Variants in GLRA3 observed in about 807,000 individuals in gnomAD.
GLRA3 encodes the protein glycine receptor subunit alpha-3.
Under a neutral mutation model 60.4 loss-of-function variants are expected in GLRA3, and 44 were observed. That is an observed-to-expected ratio of 0.73 (90% CI 0.57 to 0.94). The LOEUF is 0.94. GLRA3 is among the 40% of genes least tolerant of loss of function. The pLI is 0.00. For missense variants in GLRA3, 508 were observed against 564.6 expected (o/e 0.90, Z 1.02); for synonymous variants, 223 against 192.9 (o/e 1.16, Z -1.29).
At chr4:174,669,435 C>T (rs145171588) in intron 7 of GLRA3, among the ~76,000 whole-genome samples, 85 of 152,100 alleles carry the variant, frequency 5.6e-4, no homozygotes, top group East Asian at 2.1e-3. Context: ...TTGTGAGTTT[C>T]GACATTCTGA....
intron 1 of GLRA3, among the ~76,000 whole-genome samples, chr4:174,790,249 G>A (rs114460463): frequency 6.6e-6 from 1 of 152,030 alleles, no homozygotes; most frequent in African/African-American, 2.4e-5. Flanking sequence ...GAATGGAAGC[G>A]TTTTTTCTCC....
At chr4:174,700,132 A>C (rs1357691786) in intron 5 of GLRA3, among the ~76,000 whole-genome samples, 1 of 152,204 alleles carries the variant, frequency 6.6e-6, no homozygotes, top group African/African-American at 2.4e-5. Flanking sequence ...GTAGAAGATG[A>C]AGTTTTAATC....
chr4:174,798,740 C>T lies in GLRA3; in HGVS notation c.72-9797G>A, dbSNP rs188579200. 4.3e-3 allele frequency among the ~76,000 whole-genome samples: 656 copies of T among 152,136 alleles called. 3 individuals are homozygous for T. Among genetic ancestry groups the T allele is most frequent in the African/African-American group, 0.014 (582 of 41,512 alleles). ...TAGACGGAGACCATCCTGGCTAACA[C>T]GGTGAAACCCCGTCTCTACTAAAAA... On this transcript the variant is annotated intron_variant, in intron 1 of 9. Transcript: ENST00000274093.
At chr4:174,756,829 A>G (rs1737725143) in intron 3 of GLRA3, among the ~76,000 whole-genome samples, 2 of 151,924 alleles carry the variant, frequency 1.3e-5, no homozygotes, top group South Asian at 4.1e-4. Flanking sequence ...TATTTTTTTT[A>G]GTAGAGACGG....
chr4:174,651,253 G>A (rs1733011623), intron 9 of GLRA3, among the ~76,000 whole-genome samples: 4 of 152,236 alleles, frequency 2.6e-5, no homozygotes, highest in Admixed American at 1.3e-4. Context: ...AGGCTTAAAC[G>A]GATATTGGAA....
intron 4 of GLRA3, among the ~76,000 whole-genome samples, chr4:174,716,922 C>T (rs1214561959): frequency 6.6e-6 from 1 of 151,984 alleles, no homozygotes; most frequent in African/African-American, 2.4e-5. Flanking sequence ...ACTATTTAGC[C>T]AGGCGTGGTG....
chr4:174,796,264 T>C (rs942411482), intron 1 of GLRA3, among the ~76,000 whole-genome samples: 3 of 152,158 alleles, frequency 2.0e-5, no homozygotes, highest in African/African-American at 7.2e-5. Context: ...GACAATTTGC[T>C]GGTGCTCTGA....
intron 5 of GLRA3, among the ~76,000 whole-genome samples, chr4:174,687,972 T>A (rs1734613409): frequency 6.6e-6 from 1 of 151,908 alleles, no homozygotes; most frequent in Non-Finnish European, 1.5e-5. Context: ...AGACTAAAAG[T>A]TTTTTGCCTT....
At chr4:174,687,850 A>G (rs1413145912) in intron 5 of GLRA3, among the ~76,000 whole-genome samples, 1 of 152,194 alleles carries the variant, frequency 6.6e-6, no homozygotes, top group East Asian at 1.9e-4. Context: ...TTTAAAAAGC[A>G]TACATGAAAG....
chr4:174,753,773 G>C (rs1737575803), intron 3 of GLRA3, among the ~76,000 whole-genome samples: 1 of 152,070 alleles, frequency 6.6e-6, no homozygotes, highest in African/African-American at 2.4e-5. Context: ...AGTTGAATTT[G>C]ACACATATCT....
intron 1 of GLRA3, among the ~76,000 whole-genome samples, chr4:174,823,537 A>C (rs1740834665): frequency 6.6e-6 from 1 of 152,154 alleles, no homozygotes; most frequent in African/African-American, 2.4e-5. Context: ...AAAAAGAAAA[A>C]AAAAGAATTT....
intron 4 of GLRA3, among the ~76,000 whole-genome samples, chr4:174,728,201 T>C (rs976262564): frequency 2.0e-5 from 3 of 152,224 alleles, no homozygotes; most frequent in African/African-American, 7.2e-5. Context: ...ACTTTGCCTT[T>C]AAGATTCCTG....
At chr4:174,780,640 CAA>C (rs1738830037) in intron 2 of GLRA3, among the ~76,000 whole-genome samples, 1 of 150,316 alleles carries the variant, frequency 6.7e-6, no homozygotes, top group East Asian at 1.9e-4. Flanking sequence ...AAATGGAAAA[CAA>C]AAAAAGTCAG....
At chr4:174,790,385 T>A (rs1039656650) in intron 1 of GLRA3, among the ~76,000 whole-genome samples, 12 of 149,014 alleles carry the variant, frequency 8.1e-5, no homozygotes, top group East Asian at 4.8e-4. Flanking sequence ...ATAAATATAT[T>A]TTTTTAAAAA....
intron 3 of GLRA3, among the ~76,000 whole-genome samples, chr4:174,765,388 G>A (rs556654372): frequency 6.6e-6 from 1 of 152,108 alleles, no homozygotes; most frequent in South Asian, 2.1e-4. Context: ...ATAAAGATGG[G>A]TAAGACTTTA....
chr4:174,809,533 GA>G (rs1740180771), intron 1 of GLRA3, among the ~76,000 whole-genome samples: 1 of 152,094 alleles, frequency 6.6e-6, no homozygotes, highest in African/African-American at 2.4e-5. Context: ...AGGAGTTTGA[GA>G]CCAGCCTGGA....
chr4:174,778,779 C>T (rs1259190845), intron 2 of GLRA3, among the ~76,000 whole-genome samples: 3 of 152,228 alleles, frequency 2.0e-5, no homozygotes, highest in Non-Finnish European at 2.9e-5. Flanking sequence ...TAAAAAACGG[C>T]GCACCACGAG....
At chr4:174,749,644 T>C (rs560243739) in intron 3 of GLRA3, among the ~76,000 whole-genome samples, 2 of 152,084 alleles carry the variant, frequency 1.3e-5, no homozygotes, top group South Asian at 2.1e-4. Context: ...TCTGATTGCA[T>C]TGGGGAGCTA....
intron 4 of GLRA3, among the ~76,000 whole-genome samples, chr4:174,716,679 AT>A (rs1025330865): frequency 7.2e-5 from 11 of 152,160 alleles, no homozygotes; most frequent in African/African-American, 2.7e-4. Flanking sequence ...CAGTTTTCTC[AT>A]CTTTAAAATG....
Sources: gnomAD v4.1 joint callset for allele counts (sites outside exome capture counted in the v4.1 genomes callset) on GRCh38, gnomAD v4.1.1 for gene constraint, MANE v1.5 for transcripts, NCBI Gene and HGNC (gene_info 2026-07-23, HGNC 2026-07-21) for gene names.